The following RALGAPA1 variants were observed in gnomAD, a reference collection of about 807,000 sequenced individuals.
RALGAPA1 encodes Ral GTPase activating protein catalytic subunit alpha 1, also known as ral GTPase-activating protein subunit alpha-1.
RALGAPA1 carries 52 observed loss-of-function variants against 269.6 expected under a neutral mutation model. The ratio of observed to expected loss-of-function variants is 0.19; its 90% CI spans 0.15 to 0.24. The LOEUF (loss-of-function observed/expected upper bound fraction) is 0.24. Among genes scored for constraint, RALGAPA1 ranks in the 10% least tolerant of loss-of-function variants. RALGAPA1 has a pLI of 1.00. For synonymous variants in RALGAPA1, 817 were observed against 1,008.3 expected (o/e 0.81, Z 3.60); for missense variants, 1,917 against 3,013.9 (o/e 0.64, Z 8.52).
At chr14:35,709,360 AC>A (rs1383361787) in intron 16 of RALGAPA1, among the ~76,000 whole-genome samples, 1 of 152,118 alleles carries the variant, frequency 6.6e-6, no homozygotes, top group African/African-American at 2.4e-5. Context: ...CCTACTATAT[AC>A]CCACAAAAAT....
At chr14:35,808,105 G>A (rs939762044) in intron 1 of RALGAPA1, among the ~76,000 whole-genome samples, 4 of 152,082 alleles carry the variant, frequency 2.6e-5, no homozygotes, top group Non-Finnish European at 4.4e-5. Flanking sequence ...CTTAAGGGCA[G>A]ACGATAAAAA....
intron 27 of RALGAPA1, among the ~76,000 whole-genome samples, chr14:35,659,564 T>A (rs2063407583): frequency 6.6e-6 from 1 of 152,036 alleles, no homozygotes; most frequent in Non-Finnish European, 1.5e-5. Flanking sequence ...TTAAGAAGAA[T>A]CTTTCTCAAA....
chr14:35,541,515 G>A (rs138317919), intron 41 of RALGAPA1, among the ~76,000 whole-genome samples: 1 of 152,140 alleles, frequency 6.6e-6, no homozygotes, highest in African/African-American at 2.4e-5. Context: ...AATACAAGGA[G>A]AAGGAAACAT....
Position 35,808,804 on chromosome 14 carries a change from T to C in RALGAPA1, c.32A>G (p.Lys11Arg), listed in dbSNP as rs1390582100. The C allele has an allele frequency of 1.2e-6, 2 of 1,612,540 alleles. No individual in the cohort carries two copies. The highest frequency in any genetic ancestry group is 1.1e-5 in the South Asian group (1 of 90,748). MFSKKPHGDVKKSTQKVLDTK... is the reference protein window; with the variant it reads MFSKKPHGDVRKSTQKVLDTK... ...GTCTAGCACCTTCTGGGTGGACTTCTTCACGTCCCCGTGCGGCTTCTTGGA... is the reference window on the plus strand; with the variant it reads ...GTCTAGCACCTTCTGGGTGGACTTCCTCACGTCCCCGTGCGGCTTCTTGGA... The change falls in exon 1 of 42, where the codon AAG (lysine) becomes AGG (arginine). Residue 11 changes from lysine to arginine, a missense_variant. Coordinates refer to ENST00000680220, the MANE Select transcript of RALGAPA1 (RefSeq NM_001346249.2).
chr14:35,632,721 C>T (rs1180111114), intron 33 of RALGAPA1, among the ~76,000 whole-genome samples: 2 of 152,154 alleles, frequency 1.3e-5, no homozygotes, highest in African/African-American at 4.8e-5. Context: ...TTAATAATTA[C>T]AGCCACTCCT....
chr14:35,592,757 G>A (rs778079663), intron 37 of RALGAPA1, among the ~76,000 whole-genome samples: 1 of 152,120 alleles, frequency 6.6e-6, no homozygotes, highest in Non-Finnish European at 1.5e-5. Flanking sequence ...AAAACTATGT[G>A]ATCATCTCAA....
rs57664446 is a variant in RALGAPA1 at position 35,726,882 on chromosome 14, T to C, written c.1736+1480A>G. Reference sequence around the variant, plus strand: ...CGTAGTTCAAATCTCTGTCCACTGCTTAACAGCTGTGTGAACAAGGACAAG... The same window carrying C: ...CGTAGTTCAAATCTCTGTCCACTGCCTAACAGCTGTGTGAACAAGGACAAG... On this transcript the variant is annotated intron_variant, in intron 13 of 41. Coordinates refer to ENST00000680220, the MANE Select transcript of RALGAPA1 (RefSeq NM_001346249.2). Among the ~76,000 whole-genome samples, 784 of 152,262 alleles carry C rather than the reference T, an allele frequency of 5.1e-3. 3 individuals carry two copies. Among genetic ancestry groups the C allele is most frequent in the African/African-American group, 0.018 (749 of 41,542 alleles).
At position 35,771,001 on chromosome 14, in the gene RALGAPA1, TA is replaced by T; in HGVS notation, c.268-3del. ...TTCTGGAAGAAGTTGTAAAATTTTC[TA>T]AAAATCAATATAAAGAGAAAAAAAG... On this transcript the variant is annotated splice_region_variant and splice_polypyrimidine_tract_variant and intron_variant, in intron 3 of 41. Coordinates refer to ENST00000680220, the MANE Select transcript of RALGAPA1 (RefSeq NM_001346249.2). 2.3e-6 allele frequency: 3 copies of T among 1,284,260 alleles called. No individual in the cohort carries two copies. Among genetic ancestry groups the T allele is most frequent in the Admixed American group, 2.0e-5 (1 of 50,252 alleles). The allele number at this position is 1,284,260 out of a possible 1,614,324, so 79.6% of individuals were successfully genotyped here.
intron 16 of RALGAPA1, among the ~76,000 whole-genome samples, chr14:35,711,613 A>G (rs2068348457): frequency 6.6e-6 from 1 of 151,938 alleles, no homozygotes; most frequent in Non-Finnish European, 1.5e-5. Context: ...ACACCTGACT[A>G]ATTTTTTGAT....
rs1446334968 is a variant in RALGAPA1 at position 35,752,011 on chromosome 14, A to G, written c.802+13T>C. On this transcript the variant is annotated intron_variant, in intron 8 of 41. Transcript: ENST00000680220. ...TAAGTGTGATCTTTCAGAAAATTTC[A>G]AACATTACCTACCAAGTATAGGATG... The G allele has an allele frequency of 1.9e-6, 3 of 1,568,408 alleles. No homozygotes were observed. In the African/African-American group the frequency reaches 4.1e-5, roughly 22 times the overall value.
intron 21 of RALGAPA1, among the ~76,000 whole-genome samples, chr14:35,678,360 T>C (rs959751150): frequency 6.6e-6 from 1 of 152,146 alleles, no homozygotes; most frequent in Non-Finnish European, 1.5e-5. Context: ...TTAGTGAAAC[T>C]AAGAATATCT....
chr14:35,627,313 G>A lies in RALGAPA1; in HGVS notation c.6634C>T (p.Pro2212Ser), dbSNP rs2061055235. The change falls in exon 34 of 42, where the codon CCT becomes TCT. Residue 2212 changes from proline to serine, a missense_variant. Transcript: ENST00000680220. ...GAAATGCACACAGGTTGTGGAGCAG[G>A]AATATTAAGTGAGATTCCAGTTCTC... The part of the protein sequence containing the change: ...LQRTGISLNI[P>S]APQPVCISEK... 1 of 1,609,694 alleles carries A rather than the reference G, an allele frequency of 6.2e-7. No homozygotes were observed. Among genetic ancestry groups the A allele is most frequent in the African/African-American group, 1.3e-5 (1 of 74,576 alleles).
intron 37 of RALGAPA1, among the ~76,000 whole-genome samples, chr14:35,575,247 G>A (rs899204364): frequency 2.0e-5 from 3 of 152,102 alleles, no homozygotes; most frequent in Non-Finnish European, 4.4e-5. Context: ...AAATAGAGTA[G>A]AAGACTTCTG....
chr14:35,730,166 C>G (rs753505063), intron 12 of RALGAPA1, among the ~76,000 whole-genome samples: 1 of 152,094 alleles, frequency 6.6e-6, no homozygotes, highest in African/African-American at 2.4e-5. Flanking sequence ...CCGACCTTAC[C>G]TGGAGCGGAG....
At chr14:35,777,856 A>G (rs1014585061) in intron 1 of RALGAPA1, among the ~76,000 whole-genome samples, 4 of 152,158 alleles carry the variant, frequency 2.6e-5, no homozygotes, top group African/African-American at 7.2e-5. Context: ...GCCTCAAAAC[A>G]TAATTTTAAA....
At chr14:35,637,192 T>C (rs1177103970) in intron 31 of RALGAPA1, among the ~76,000 whole-genome samples, 1 of 151,874 alleles carries the variant, frequency 6.6e-6, no homozygotes, top group Non-Finnish European at 1.5e-5. Flanking sequence ...ATCAAGACCA[T>C]CCAGGAAAAC....
At chr14:35,693,512 A>T (rs981126801) in intron 17 of RALGAPA1, among the ~76,000 whole-genome samples, 1 of 151,904 alleles carries the variant, frequency 6.6e-6, no homozygotes, top group Non-Finnish European at 1.5e-5. Flanking sequence ...AGGGAAACCA[A>T]CTGTGTCCTC....
At chr14:35,738,330 GAAT>G (rs2071225049) in intron 12 of RALGAPA1, among the ~76,000 whole-genome samples, 180 bp downstream of exon 12, 1 of 151,326 alleles carries the variant, frequency 6.6e-6, no homozygotes, top group Non-Finnish European at 1.5e-5. Context: ...AAATTATCTA[GAAT>G]AATATGTAAT....
intron 39 of RALGAPA1, among the ~76,000 whole-genome samples, chr14:35,551,403 G>A (rs368018932): frequency 7.2e-5 from 11 of 152,090 alleles, no homozygotes; most frequent in East Asian, 5.8e-4. Flanking sequence ...CTCTCTTTTC[G>A]CACCAAAGGT....
Sources: allele counts gnomAD v4.1 joint callset (sites outside exome capture counted in the v4.1 genomes callset), GRCh38; gene constraint gnomAD v4.1.1; transcripts MANE v1.5; gene names NCBI Gene and HGNC (gene_info 2026-07-23, HGNC 2026-07-21).